The following BCAS3 variants were observed in gnomAD, a reference collection of about 807,000 sequenced individuals.
BCAS3 encodes BCAS3 microtubule associated cell migration factor.
Under a neutral mutation model 116.1 loss-of-function variants are expected in BCAS3, and 53 were observed. That is an observed-to-expected ratio of 0.46 (90% CI 0.37 to 0.57). The LOEUF is 0.57. Among genes scored for constraint, BCAS3 ranks in the 20% least tolerant of loss-of-function variants. BCAS3 has a pLI of 0.00. For synonymous variants in BCAS3, 391 were observed against 408.2 expected (o/e 0.96, Z 0.51); for missense variants, 917 against 1,165.4 (o/e 0.79, Z 3.10).
intron 9 of BCAS3, among the ~76,000 whole-genome samples, chr17:60,876,704 G>A (rs556859119): frequency 6.6e-6 from 1 of 152,120 alleles, no homozygotes; most frequent in East Asian, 1.9e-4. Context: ...AACCAACACC[G>A]TTTTGGAATG....
At chr17:61,076,176 A>G (rs2071968031) in intron 20 of BCAS3, among the ~76,000 whole-genome samples, 1 of 152,222 alleles carries the variant, frequency 6.6e-6, no homozygotes, top group Non-Finnish European at 1.5e-5. Context: ...AAATGACTTC[A>G]TTACAAATGC....
chr17:60,985,134 C>T (rs1240020496), intron 14 of BCAS3, among the ~76,000 whole-genome samples: 1 of 143,974 alleles, frequency 6.9e-6, no homozygotes, highest in African/African-American at 2.6e-5. Context: ...AACGATTCAA[C>T]TGTATTCTTT....
At position 61,106,629 on chromosome 17, in the gene BCAS3, T is replaced by C. The variant is rs1409686231; in HGVS notation, c.2425+22065T>C. 6.6e-6 allele frequency among the ~76,000 whole-genome samples: 1 copy of C among 152,134 alleles called. No individual in the cohort carries two copies. The highest frequency in any genetic ancestry group is 1.5e-5 in the Non-Finnish European group (1 of 68,028). On this transcript the variant is annotated intron_variant, in intron 22 of 23. Coordinates refer to ENST00000407086, the MANE Select transcript of BCAS3 (RefSeq NM_017679.5). The surrounding 1 kb of genome is among the most constrained non-coding windows in gnomAD (Gnocchi z 4.2). ...CATGGTTTCAGGCATCCACTGGGGG[T>C]CTTGGAACGTATCCCCATAGATAAG...
At chr17:61,072,133 A>T (rs1204041677) in intron 19 of BCAS3, among the ~76,000 whole-genome samples, 1 of 152,164 alleles carries the variant, frequency 6.6e-6, no homozygotes, top group Non-Finnish European at 1.5e-5. Context: ...GTGCATATTT[A>T]TGGTACTATT....
intron 22 of BCAS3, among the ~76,000 whole-genome samples, chr17:61,137,405 A>G (rs1225283684): frequency 6.6e-6 from 1 of 152,252 alleles, no homozygotes; most frequent in Non-Finnish European, 1.5e-5. Flanking sequence ...TATACCTACC[A>G]AAGATAGTAT....
intron 19 of BCAS3, among the ~76,000 whole-genome samples, chr17:61,048,598 T>C (rs1274420317): frequency 2.0e-5 from 3 of 152,014 alleles, no homozygotes; most frequent in Admixed American, 1.3e-4. Flanking sequence ...TTTTATCTTG[T>C]CTGTGGCCAC....
At chr17:61,046,058 TATATATATATA>T (rs2068257629) in intron 19 of BCAS3, among the ~76,000 whole-genome samples, 1 of 19,068 alleles carries the variant, frequency 5.2e-5, no homozygotes, top group Non-Finnish European at 7.4e-5. Flanking sequence ...ATATATATAT[TATATATATATA>T]ATATATATAT....
intron 22 of BCAS3, among the ~76,000 whole-genome samples, chr17:61,092,328 G>A (rs897801494): frequency 1.3e-5 from 2 of 149,874 alleles, no homozygotes; most frequent in African/African-American, 4.9e-5. Flanking sequence ...CTGTCTGTCT[G>A]TCTCTCTCTC....
intron 14 of BCAS3, among the ~76,000 whole-genome samples, chr17:60,979,731 T>G (rs1051693011): frequency 6.6e-6 from 1 of 152,128 alleles, no homozygotes; most frequent in Admixed American, 6.5e-5. Flanking sequence ...GTCAGAGGCC[T>G]TTTCTGCATC....
chr17:61,044,465 A>AAAAAAAAATATATAT lies in BCAS3; in HGVS notation c.2029+3574_2029+3575insAAAAAAATATATATA. 1.9e-3 allele frequency among the ~76,000 whole-genome samples: 227 copies of AAAAAAAAATATATAT among 120,044 alleles called. 3 individuals carry two copies. Among genetic ancestry groups the AAAAAAAAATATATAT allele is most frequent in the African/African-American group, 0.01 (202 of 19,994 alleles). 78.8% of individuals were successfully genotyped at this position (120,044 alleles called of 152,430 possible). On this transcript the variant is annotated intron_variant, in intron 19 of 23. Coordinates refer to ENST00000407086, the MANE Select transcript of BCAS3 (RefSeq NM_017679.5). ...CTGTCTCAAAAAAAAAAAAAAAAAA[A>AAAAAAAAATATATAT]ATATATATATATATGCCATAAGAAC...
At chr17:61,340,304 G>A (rs2057046041) in intron 22 of BCAS3, among the ~76,000 whole-genome samples, 1 of 149,732 alleles carries the variant, frequency 6.7e-6, no homozygotes, top group East Asian at 2.0e-4. Context: ...CTTGGTAGAA[G>A]GAAGGGGGAC....
intron 22 of BCAS3, among the ~76,000 whole-genome samples, chr17:61,163,685 A>G (rs950996302): frequency 6.6e-6 from 1 of 151,942 alleles, no homozygotes; most frequent in Admixed American, 6.6e-5. Context: ...CAAACAAACA[A>G]ATTTTTTAAA....
intron 11 of BCAS3, among the ~76,000 whole-genome samples, chr17:60,903,264 A>C (rs1029431205): frequency 2.6e-5 from 4 of 152,226 alleles, no homozygotes; most frequent in African/African-American, 9.6e-5. Flanking sequence ...AGAAAGCACA[A>C]CCATTCAGAA....
chr17:61,276,674 T>C lies in BCAS3; in HGVS notation c.2426-91653T>C, dbSNP rs2050783007. 6.6e-6 allele frequency among the ~76,000 whole-genome samples: 1 copy of C among 152,160 alleles called. No individual in the cohort carries two copies. Among genetic ancestry groups the C allele is most frequent in the Admixed American group, 6.5e-5 (1 of 15,286 alleles). On this transcript the variant is annotated intron_variant, in intron 22 of 23. Transcript: ENST00000407086. The surrounding 1 kb of genome is among the most constrained non-coding windows in gnomAD (Gnocchi z 4.2). The stretch of plus-strand genomic sequence containing the variant: ...GATCTCTATCAAAATCTCTATCAAA[T>C]AAGCTGACTTATTTGCAGAAATTGA...
rs1443534923 is a variant in BCAS3, at chr17:61,325,062, C to T, written c.2426-43265C>T. ...TAAAACCATTTCCACTAGAGGCCATCCCACCATGCACAGTTAGCCTGGGCT... is the reference window on the plus strand; with the variant it reads ...TAAAACCATTTCCACTAGAGGCCATTCCACCATGCACAGTTAGCCTGGGCT... On this transcript the variant is annotated intron_variant, in intron 22 of 23. Transcript: ENST00000407086. The surrounding 1 kb of genome is among the most constrained non-coding windows in gnomAD (Gnocchi z 6.4). Among the ~76,000 whole-genome samples the T allele has an allele frequency of 6.6e-6, 1 of 152,188 alleles. No individual in the cohort carries two copies. The highest frequency in any genetic ancestry group is 1.5e-5 in the Non-Finnish European group (1 of 68,042).
intron 22 of BCAS3, among the ~76,000 whole-genome samples, chr17:61,216,830 C>T (rs1183388847): frequency 6.6e-6 from 1 of 151,882 alleles, no homozygotes; most frequent in African/African-American, 2.4e-5. Flanking sequence ...GCATGAGCCA[C>T]CGTGCCCAGC....
chr17:61,046,059 A>ATATATATAATATATATAT, intron 19 of BCAS3, among the ~76,000 whole-genome samples: 1 of 21,702 alleles, frequency 4.6e-5, no homozygotes, highest in South Asian at 1.2e-3. Context: ...TATATATATT[A>ATATATATAATATATATAT]TATATATATA....
intron 15 of BCAS3, among the ~76,000 whole-genome samples, chr17:61,014,504 C>T (rs2065312023): frequency 6.6e-6 from 1 of 152,012 alleles, no homozygotes; most frequent in African/African-American, 2.4e-5. Context: ...GGTGATGGAA[C>T]AATTACACTT....
intron 14 of BCAS3, chr17:60,980,730 T>G (rs1217188287): frequency 6.6e-6 from 1 of 152,092 alleles, no homozygotes; most frequent in African/African-American, 2.4e-5. Flanking sequence ...GAGACAGGGT[T>G]TCACCATGTT....
Sources: gnomAD v4.1 joint callset for allele counts (sites outside exome capture counted in the v4.1 genomes callset) on GRCh38, gnomAD v4.1.1 for gene constraint, Gnocchi (gnomAD v3.1) non-coding constraint, MANE v1.5 for transcripts, NCBI Gene and HGNC (gene_info 2026-07-23, HGNC 2026-07-21) for gene names.